The following CPED1 variants were observed in gnomAD, a reference collection of about 807,000 sequenced individuals.
The protein encoded by CPED1 is cadherin-like and PC-esterase domain-containing protein 1.
Under a neutral mutation model 128.2 loss-of-function variants are expected in CPED1, and 114 were observed. The observed-to-expected ratio is 0.89, with a 90% CI of 0.76 to 1.04. The LOEUF (loss-of-function observed/expected upper bound fraction) is 1.04, where lower values mean the gene tolerates loss of function less well. Ranked by LOEUF, CPED1 falls within the 50% of genes least tolerant of loss-of-function variation. The pLI is 0.00. For synonymous variants in CPED1, 462 were observed against 426.7 expected, an observed-to-expected ratio of 1.08 and a Z score of -1.02; for missense variants, 1,211 against 1,207.1, an observed-to-expected ratio of 1.00 and a Z score of -0.05.
chr7:121,129,015 C>G lies in CPED1; in HGVS notation c.1407+529C>G, dbSNP rs550583294. Among the ~76,000 whole-genome samples, 7 of 151,726 alleles carry G rather than the reference C, an allele frequency of 4.6e-5. No individual in the cohort carries two copies. In the East Asian group the frequency reaches 1.4e-3, roughly 29 times the overall value. On this transcript the variant is annotated intron_variant, in intron 11 of 22. Coordinates refer to ENST00000310396, the MANE Select transcript of CPED1 (RefSeq NM_024913.5). ...ACTGGCTTATATCTTTTAAAAAAGG[C>G]ATTCATTTTATCTTCTATGTATTTT...
chr7:121,194,024 A>C (rs11520943), intron 16 of CPED1, among the ~76,000 whole-genome samples: 11,084 of 80,600 alleles, frequency 0.14, 552 homozygotes, highest in African/African-American at 0.15. Flanking sequence ...CTCTCTCTCT[A>C]TATATATATA....
intron 8 of CPED1, among the ~76,000 whole-genome samples, chr7:121,125,216 G>T (rs1331272270): frequency 1.3e-5 from 2 of 151,990 alleles, no homozygotes; most frequent in African/African-American, 2.4e-5. Flanking sequence ...TTTTTAATTA[G>T]TAGATATATT....
intron 3 of CPED1, among the ~76,000 whole-genome samples, chr7:121,040,603 T>C (rs1440092563): frequency 6.6e-6 from 1 of 152,090 alleles, no homozygotes; most frequent in African/African-American, 2.4e-5. Context: ...CTAATCCTGA[T>C]AAAGGATGGA....
At chr7:121,121,457 T>G (rs1325744242) in intron 7 of CPED1, among the ~76,000 whole-genome samples, 1 of 152,234 alleles carries the variant, frequency 6.6e-6, no homozygotes, top group Non-Finnish European at 1.5e-5. Flanking sequence ...CTATATAATT[T>G]ATTTTGCACT....
chr7:121,136,281 AT>A (rs994577906), intron 14 of CPED1, among the ~76,000 whole-genome samples, 191 bp downstream of exon 14: 2 of 151,886 alleles, frequency 1.3e-5, no homozygotes, highest in African/African-American at 4.8e-5. Flanking sequence ...AAAATATTAC[AT>A]TTTTTTTGTT....
intron 16 of CPED1, among the ~76,000 whole-genome samples, chr7:121,186,773 T>C (rs758503206): frequency 2.0e-5 from 3 of 152,222 alleles, no homozygotes; most frequent in Non-Finnish European, 2.9e-5. Context: ...TTACCCAATA[T>C]TTCAAGTTGG....
At chr7:121,018,394 T>C (rs1212021890) in intron 3 of CPED1, among the ~76,000 whole-genome samples, 1 of 152,144 alleles carries the variant, frequency 6.6e-6, no homozygotes, top group Non-Finnish European at 1.5e-5. Flanking sequence ...TATGAAACTA[T>C]AGTGGGAATA....
chr7:121,278,977 C>A (rs541707513), intron 22 of CPED1, among the ~76,000 whole-genome samples: 7 of 152,202 alleles, frequency 4.6e-5, no homozygotes, highest in Non-Finnish European at 8.8e-5. Flanking sequence ...TTGCAATAAA[C>A]CCCCATGTCA....
chr7:121,010,545 T>C (rs545068784), intron 2 of CPED1, among the ~76,000 whole-genome samples: 1 of 152,222 alleles, frequency 6.6e-6, no homozygotes, highest in Non-Finnish European at 1.5e-5. Flanking sequence ...CACCACGCCC[T>C]GCAGGAATAC....
chr7:121,017,062 C>T (rs1792322994), intron 3 of CPED1, among the ~76,000 whole-genome samples: 1 of 152,212 alleles, frequency 6.6e-6, no homozygotes, highest in African/African-American at 2.4e-5. Flanking sequence ...TATCCTTTAT[C>T]ACATTGGCAG....
chr7:121,075,177 A>G (rs556336426), intron 5 of CPED1, among the ~76,000 whole-genome samples: 1 of 152,324 alleles, frequency 6.6e-6, no homozygotes, highest in African/African-American at 2.4e-5. Context: ...ATACACAAGA[A>G]CAACAGGAGG....
At position 121,266,790 on chromosome 7, in the gene CPED1, T is replaced by G. The variant is rs779118005; in HGVS notation, c.2615T>G (p.Ile872Ser). 3.1e-6 allele frequency: 5 copies of G among 1,612,006 alleles called. No homozygotes were observed. The East Asian group carries it at 1.1e-4, about 36-fold the overall frequency. ...CTTAATTCCAATCACCTGCAAATTA[T>G]TCACAAAGTTTTGAAGAGGTAAATG... ...QWLNSNHLQI[I>S]HKVLKRENLL... The change falls in exon 20 of 23, where the codon ATT becomes AGT. Residue 872 changes from isoleucine (I) to serine (S), a missense_variant. Transcript: ENST00000310396.
intron 16 of CPED1, among the ~76,000 whole-genome samples, chr7:121,196,777 C>T (rs929899665): frequency 6.6e-6 from 1 of 151,552 alleles, no homozygotes; most frequent in African/African-American, 2.4e-5. Context: ...TAGATGAGAC[C>T]GAATTTTAGA....
intron 11 of CPED1, among the ~76,000 whole-genome samples, chr7:121,129,310 T>TATATATATATATATATAC: frequency 2.1e-4 from 1 of 4,846 alleles, no homozygotes; most frequent in Admixed American, 6.2e-3. Context: ...TATATATATA[T>TATATATATATATATATAC]ACGTATATAT....
chr7:121,012,663 C>T (rs1447140620), intron 2 of CPED1, among the ~76,000 whole-genome samples: 3 of 152,132 alleles, frequency 2.0e-5, no homozygotes, highest in African/African-American at 7.2e-5. Context: ...TGGTATTGGG[C>T]CATTCTGCTG....
chr7:121,135,780 G>A (rs1292055484), intron 13 of CPED1, among the ~76,000 whole-genome samples: 2 of 151,960 alleles, frequency 1.3e-5, no homozygotes, highest in Non-Finnish European at 2.9e-5. Context: ...AACCTTGGCT[G>A]ATCAACGTCA....
At chr7:121,270,016 C>T (rs1000726369) in intron 21 of CPED1, among the ~76,000 whole-genome samples, 1 of 151,804 alleles carries the variant, frequency 6.6e-6, no homozygotes, top group African/African-American at 2.4e-5. Flanking sequence ...GAGAGAGAGG[C>T]GGGAGGTGCC....
At chr7:121,078,215 T>G (rs149464110) in intron 5 of CPED1, among the ~76,000 whole-genome samples, 227 of 152,152 alleles carry the variant, frequency 1.5e-3, no homozygotes, top group African/African-American at 5.4e-3. Context: ...CAGCTAATTT[T>G]TGTATTTTTG....
At chr7:121,052,502 T>C (rs184954265) in intron 4 of CPED1, among the ~76,000 whole-genome samples, 7 of 152,188 alleles carry the variant, frequency 4.6e-5, no homozygotes, top group Admixed American at 2.6e-4. Context: ...TTTCCTGAAA[T>C]AAGAAGGCAT....
Sources: allele counts gnomAD v4.1 joint callset (sites outside exome capture counted in the v4.1 genomes callset), GRCh38; gene constraint gnomAD v4.1.1; transcripts MANE v1.5; gene names NCBI Gene and HGNC (gene_info 2026-07-23, HGNC 2026-07-21).